The following AKT3 variants were observed in gnomAD, a reference collection of about 807,000 sequenced individuals.
AKT3 encodes the protein AKT serine/threonine kinase 3.
A neutral mutation model predicts 65.3 loss-of-function variants in AKT3; 15 were observed. The ratio of observed to expected loss-of-function variants is 0.23; its 90% CI spans 0.15 to 0.35. The LOEUF is 0.35. Among genes scored for constraint, AKT3 ranks in the 10% least tolerant of loss-of-function variants. The probability of loss-of-function intolerance (pLI) is 1.00; values close to 1 mark genes in which losing one functional copy is unlikely to be tolerated. For synonymous variants in AKT3, 206 were observed against 183.8 expected (o/e 1.12, Z -0.98); for missense variants, 243 against 576.5 (o/e 0.42, Z 5.92).
intron 10 of AKT3, among the ~76,000 whole-genome samples, chr1:243,559,380 T>C (rs372413304): frequency 6.6e-6 from 1 of 152,146 alleles, no homozygotes; most frequent in Non-Finnish European, 1.5e-5. Flanking sequence ...GCTTCCCAAG[T>C]TGGAAAACTG....
chr1:243,589,134 C>G (rs527445080), intron 8 of AKT3, among the ~76,000 whole-genome samples: 3 of 151,358 alleles, frequency 2.0e-5, no homozygotes, highest in Non-Finnish European at 4.4e-5. Context: ...GGTGAAACCC[C>G]GTCTCTACTA....
chr1:243,505,427 G>C, intron 13 of AKT3, 93 bp from the exon 14 acceptor site: 1 of 1,058,092 alleles, frequency 9.5e-7, no homozygotes, highest in East Asian at 2.4e-5. Context: ...ACATAGGAAA[G>C]ATGAACAGAG....
At chr1:243,596,142 C>T (rs868373936) in intron 8 of AKT3, among the ~76,000 whole-genome samples, 1 of 152,076 alleles carries the variant, frequency 6.6e-6, no homozygotes, top group Non-Finnish European at 1.5e-5. Context: ...TTATATAGCA[C>T]GTGACACATA....
At chr1:243,521,848 C>T (rs1670736057) in intron 12 of AKT3, among the ~76,000 whole-genome samples, 2 of 152,158 alleles carry the variant, frequency 1.3e-5, no homozygotes, top group South Asian at 4.2e-4. Flanking sequence ...AAAAGTAATC[C>T]CCAGAAACTG....
intron 2 of AKT3, among the ~76,000 whole-genome samples, chr1:243,831,105 CA>C (rs1417822582): frequency 2.0e-5 from 3 of 152,182 alleles, no homozygotes; most frequent in African/African-American, 7.2e-5. Context: ...ATATCTGTGA[CA>C]TACTGTTATC....
intron 11 of AKT3, chr1:243,548,231 T>C (rs1399812370): frequency 6.6e-6 from 1 of 152,244 alleles, no homozygotes; most frequent in Non-Finnish European, 1.5e-5. Context: ...TACACTTATG[T>C]TGTAGTTTAT....
intron 3 of AKT3, among the ~76,000 whole-genome samples, chr1:243,689,035 G>A (rs1342021029): frequency 1.3e-5 from 2 of 151,912 alleles, no homozygotes; most frequent in African/African-American, 2.4e-5. Context: ...AGTCAACCTC[G>A]CCAACACTTA....
chr1:243,525,984 A>C (rs1373925342), intron 12 of AKT3, among the ~76,000 whole-genome samples: 2 of 151,384 alleles, frequency 1.3e-5, no homozygotes, highest in African/African-American at 2.4e-5. Flanking sequence ...ACCTAAACAC[A>C]TTATAGTCAA....
intron 2 of AKT3, among the ~76,000 whole-genome samples, chr1:243,761,812 T>G (rs1031483538): frequency 1.3e-5 from 2 of 152,188 alleles, no homozygotes; most frequent in Non-Finnish European, 2.9e-5. Context: ...GAAAGATGAA[T>G]GTACTTTAAA....
chr1:243,770,203 A>C (rs2148274256), intron 2 of AKT3, among the ~76,000 whole-genome samples: 1 of 152,278 alleles, frequency 6.6e-6, no homozygotes, highest in East Asian at 1.9e-4. Flanking sequence ...CACCTAGCAC[A>C]GTGCCTGAAG....
intron 4 of AKT3, among the ~76,000 whole-genome samples, chr1:243,658,067 A>C (rs1355640094): frequency 6.6e-6 from 1 of 152,176 alleles, no homozygotes; most frequent in East Asian, 1.9e-4. Context: ...TGGTCTTTAG[A>C]AATGATTTCT....
At chr1:243,838,386 A>G (rs1162066122) in intron 2 of AKT3, among the ~76,000 whole-genome samples, 1 of 152,124 alleles carries the variant, frequency 6.6e-6, no homozygotes, top group Non-Finnish European at 1.5e-5. Context: ...CTCTCTATGG[A>G]AAAAGCTTGC....
intron 2 of AKT3, among the ~76,000 whole-genome samples, chr1:243,829,799 T>C (rs1167912455): frequency 6.6e-6 from 1 of 152,212 alleles, no homozygotes; most frequent in Non-Finnish European, 1.5e-5. Context: ...ACTTTATAAA[T>C]GATTTATATA....
At chr1:243,713,746 TA>T (rs572960154) in intron 2 of AKT3, among the ~76,000 whole-genome samples, 8,581 of 82,654 alleles carry the variant, frequency 0.1, 613 homozygotes, top group African/African-American at 0.3. Context: ...TTTGCCTTAA[TA>T]AAAAAAAAAA....
Position 243,709,841 on chromosome 1 carries a change from C to T in AKT3, c.47-14125G>A, listed in dbSNP as rs116414970. ...AAGTATAAAATTATGAACTTTGATGCTGTGTTCCAGTCTCAAGCAAATAAG... is the reference window on the plus strand; with the variant it reads ...AAGTATAAAATTATGAACTTTGATGTTGTGTTCCAGTCTCAAGCAAATAAG... On this transcript the variant is annotated intron_variant, in intron 2 of 13. Transcript: ENST00000673466. Among the ~76,000 whole-genome samples the T allele has an allele frequency of 5.1e-3, 781 of 152,166 alleles. 9 individuals carry two copies. The highest frequency in any genetic ancestry group is 0.018 in the African/African-American group (737 of 41,548).
intron 12 of AKT3, among the ~76,000 whole-genome samples, chr1:243,523,260 AAC>A (rs547403507): frequency 0.38 from 48,362 of 125,986 alleles, 8,966 homozygotes; most frequent in East Asian, 0.48. Context: ...AAAAAGGACG[AAC>A]ACACACACAC....
intron 12 of AKT3, among the ~76,000 whole-genome samples, chr1:243,541,574 C>T (rs1672324272): frequency 6.6e-6 from 1 of 152,050 alleles, no homozygotes; most frequent in African/African-American, 2.4e-5. Context: ...GTTAGAAACC[C>T]AGATCTGGCT....
At position 243,563,512 on chromosome 1, in the gene AKT3, T is replaced by C. The variant is rs184854435; in HGVS notation, c.948+208A>G. 1.5e-3 allele frequency among the ~76,000 whole-genome samples: 226 copies of C among 152,278 alleles called. 2 individuals carry two copies. Among genetic ancestry groups the C allele is most frequent in the Admixed American group, 0.011 (170 of 15,286 alleles). ...ATTTAACTGACTATAGCTAGTACCT[T>C]TGTGCTTATAGTTTATAAAATTTAA... is the stretch of plus-strand genomic sequence containing the variant. On this transcript the variant is annotated intron_variant, in intron 10 of 13. Coordinates refer to ENST00000673466, the MANE Select transcript of AKT3 (RefSeq NM_005465.7).
At chr1:243,553,946 C>G (rs532117081) in intron 10 of AKT3, among the ~76,000 whole-genome samples, 1 of 152,114 alleles carries the variant, frequency 6.6e-6, no homozygotes, top group African/African-American at 2.4e-5. Context: ...TGGGGAAAAC[C>G]AAATATATGA....
Sources: allele counts gnomAD v4.1 joint callset (sites outside exome capture counted in the v4.1 genomes callset), GRCh38; gene constraint gnomAD v4.1.1; transcripts MANE v1.5; gene names NCBI Gene and HGNC (gene_info 2026-07-23, HGNC 2026-07-21).